LRCH1: variants seen among roughly 807,000 people sequenced by gnomAD.
The protein encoded by LRCH1 is leucine rich repeats and calponin homology domain containing 1.
LRCH1 carries 23 observed loss-of-function variants against 94.9 expected under a neutral mutation model. That is an observed-to-expected ratio of 0.24 (90% confidence interval 0.17 to 0.34). LRCH1 has a LOEUF of 0.34. Ranked by LOEUF, LRCH1 falls within the 10% of genes least tolerant of loss-of-function variation. The probability of loss-of-function intolerance (pLI) is 1.00; values close to 1 mark genes in which losing one functional copy is unlikely to be tolerated. For missense variants in LRCH1, 790 were observed against 945.9 expected (o/e 0.84, Z 2.16); for synonymous variants, 364 against 354.9 (o/e 1.03, Z -0.29).
At position 46,750,762 on chromosome 13, in the gene LRCH1, A is replaced by G. The variant is rs557461636; in HGVS notation, c.*112A>G. ...CCACCCACTGCCTGTCACTTCACTG[A>G]CTCCAGTTACATTGAAACAATTTTC... On this transcript the variant is annotated 3_prime_UTR_variant, in exon 19 of 19. Transcript: ENST00000311191. 1.9e-4 allele frequency: 125 copies of G among 665,802 alleles called. 1 individual carries two copies. The East Asian group carries it at 3.2e-3, about 17-fold the overall frequency. 41.2% of individuals were successfully genotyped at this position (665,802 alleles called of 1,614,324 possible).
intron 1 of LRCH1, among the ~76,000 whole-genome samples, chr13:46,615,368 G>A (rs1313055608): frequency 6.6e-6 from 1 of 152,140 alleles, no homozygotes; most frequent in African/African-American, 2.4e-5. Context: ...CAGCTCTTGT[G>A]TGAACTCAGA....
chr13:46,748,825 G>A (rs879804159), downstream of LRCH1, among the ~76,000 whole-genome samples: 5 of 152,214 alleles, frequency 3.3e-5, no homozygotes, highest in Non-Finnish European at 5.9e-5. Flanking sequence ...TCTGTTGACA[G>A]GGGGCCATCT....
rs201873344 is a variant in LRCH1 at position 46,741,693 on chromosome 13, C to G, written c.2137C>G (p.Arg713Gly). Residue 713 changes from arginine to glycine, a missense_variant, in exon 20 of 20, where the codon CGA becomes GGA. Transcript: ENST00000389797. Reference protein sequence around the residue: ...DILQLDFRHIRKTVDTLLALG... With the variant: ...DILQLDFRHIGKTVDTLLALG... ...CCTGCAGTTGGATTTTCGTCACATT[C>G]GAAAGACTGTTGACACTCTGCTGGC... 5 of 1,614,078 alleles carry G rather than the reference C, an allele frequency of 3.1e-6. No homozygotes were observed. In the African/African-American group the frequency reaches 5.3e-5, roughly 17 times the overall value.
chr13:46,630,106 A>G (rs904515139), intron 1 of LRCH1, among the ~76,000 whole-genome samples: 1 of 152,208 alleles, frequency 6.6e-6, no homozygotes. Context: ...CCACAGGGCA[A>G]CTGATTGACT....
At chr13:46,642,297 GT>G (rs1424537006) in intron 1 of LRCH1, among the ~76,000 whole-genome samples, 3 of 152,154 alleles carry the variant, frequency 2.0e-5, no homozygotes, top group African/African-American at 7.2e-5. Context: ...GATGTTGCCT[GT>G]ATGCAGTTCT....
rs577241014 is a variant in LRCH1 at position 46,650,569 on chromosome 13, T to A, written c.452+224T>A. Reference sequence around the variant, plus strand: ...ATATGAATAAGACAAGGTTTTTTTTTAAAAAAATGATTTATATTATATCAT... The same window carrying A: ...ATATGAATAAGACAAGGTTTTTTTTAAAAAAAATGATTTATATTATATCAT... On this transcript the variant is annotated intron_variant, in intron 2 of 19. Coordinates refer to ENST00000389797, the MANE Select transcript of LRCH1 (RefSeq NM_001164211.2). 8.2e-3 allele frequency among the ~76,000 whole-genome samples: 1,238 copies of A among 150,976 alleles called. 18 individuals carry two copies. The highest frequency in any genetic ancestry group is 0.027 in the African/African-American group (1,124 of 41,146).
chr13:46,642,716 C>G (rs2051174080), intron 1 of LRCH1, among the ~76,000 whole-genome samples: 1 of 152,190 alleles, frequency 6.6e-6, no homozygotes, highest in Admixed American at 6.5e-5. Flanking sequence ...AAATCGGACC[C>G]TTTCTGGGAA....
rs1874189595 is a variant in LRCH1 at position 46,752,652 on chromosome 13, A to T, written c.*2002A>T. The T allele has an allele frequency of 3.9e-5, 6 of 152,306 alleles. 1 individual carries two copies. The South Asian group carries it at 1.2e-3, about 32-fold the overall frequency. 9.4% of individuals were successfully genotyped at this position (152,306 alleles called of 1,614,324 possible). Reference sequence around the variant, plus strand: ...TTCAAAGGTTGACTATATAAGTAGGAGTTTAGCCTGCTGCACCTTCACGGG... The same window carrying T: ...TTCAAAGGTTGACTATATAAGTAGGTGTTTAGCCTGCTGCACCTTCACGGG... On this transcript the variant is annotated 3_prime_UTR_variant, in exon 19 of 19. Transcript: ENST00000311191.
At chr13:46,635,854 A>G (rs2051080919) in intron 1 of LRCH1, among the ~76,000 whole-genome samples, 1 of 151,778 alleles carries the variant, frequency 6.6e-6, no homozygotes, top group Non-Finnish European at 1.5e-5. Flanking sequence ...CCACCAAGCT[A>G]TTCCCATCAG....
intron 3 of LRCH1, 21 bp downstream of exon 3, chr13:46,669,177 A>G: frequency 1.2e-6 from 2 of 1,611,768 alleles, no homozygotes; most frequent in Non-Finnish European, 1.7e-6. Context: ...GATTTTTAAG[A>G]TGCTCTTTTT....
chr13:46,608,241 G>A (rs760100561), intron 1 of LRCH1, among the ~76,000 whole-genome samples: 14 of 152,186 alleles, frequency 9.2e-5, no homozygotes, highest in Non-Finnish European at 1.6e-4. Context: ...AAGTGCAGAC[G>A]TGTTCTTGTG....
At chr13:46,720,373 T>A (rs1424242677) in intron 16 of LRCH1, among the ~76,000 whole-genome samples, 2 of 152,120 alleles carry the variant, frequency 1.3e-5, no homozygotes, top group Non-Finnish European at 2.9e-5. Context: ...GGCAACAGAG[T>A]GAGACTGTGT....
intron 2 of LRCH1, 132 bp from the exon 3 acceptor site, chr13:46,668,898 A>G: frequency 1.2e-6 from 1 of 822,584 alleles, no homozygotes; most frequent in Non-Finnish European, 1.9e-6. Flanking sequence ...CACAGAAAAT[A>G]TATTGGACTT....
intron 13 of LRCH1, among the ~76,000 whole-genome samples, chr13:46,707,676 A>G (rs1042947729): frequency 2.6e-5 from 4 of 152,224 alleles, no homozygotes; most frequent in Admixed American, 1.3e-4. Flanking sequence ...TTGGATGGTC[A>G]TTCCAATAAT....
intron 1 of LRCH1, among the ~76,000 whole-genome samples, chr13:46,630,519 A>G (rs893231081): frequency 6.6e-6 from 1 of 152,238 alleles, no homozygotes; most frequent in Non-Finnish European, 1.5e-5. Context: ...CAGTTATTTA[A>G]GAATCCAAGA....
exon 19 of LRCH1, chr13:46,752,209 C>T (rs1339392601): frequency 3.3e-5 from 5 of 152,290 alleles, no homozygotes; most frequent in Admixed American, 6.5e-5. Context: ...GCTGCAATCA[C>T]AGATGTCCCA....
intron 19 of LRCH1, 74 bp downstream of exon 19, chr13:46,734,072 A>T: frequency 1.4e-6 from 1 of 719,052 alleles, no homozygotes; most frequent in Non-Finnish European, 2.3e-6. Flanking sequence ...GAACCATTGA[A>T]TCGATGCAAA....
At chr13:46,676,604 TAAATA>T (rs1176899812) in intron 3 of LRCH1, among the ~76,000 whole-genome samples, 1 of 152,082 alleles carries the variant, frequency 6.6e-6, no homozygotes, top group Non-Finnish European at 1.5e-5. Context: ...TTTATTCAAT[TAAATA>T]AAGAGCTAGA....
At chr13:46,711,682 T>C (rs1200003389) in intron 13 of LRCH1, 109 bp from the exon 14 acceptor site, 2 of 697,506 alleles carry the variant, frequency 2.9e-6, no homozygotes, top group Non-Finnish European at 5.0e-6. Context: ...CAGATATTCA[T>C]TGTGCACCTA....
Sources: allele counts gnomAD v4.1 joint callset (sites outside exome capture counted in the v4.1 genomes callset), GRCh38; gene constraint gnomAD v4.1.1; transcripts MANE v1.5; gene names NCBI Gene and HGNC (gene_info 2026-07-23, HGNC 2026-07-21).